The following KLRG1 variants were observed in gnomAD, a reference collection of about 807,000 sequenced individuals.
KLRG1 encodes the protein killer cell lectin like receptor G1.
KLRG1 carries 16 observed loss-of-function variants against 21.8 expected under a neutral mutation model. That is an observed-to-expected ratio of 0.73 (90% CI 0.50 to 1.11). KLRG1 has a LOEUF of 1.11. Among genes scored for constraint, KLRG1 ranks in the 50% most tolerant of loss-of-function variants. The pLI, the probability that KLRG1 is intolerant of heterozygous loss-of-function variation, is 0.00. For missense variants in KLRG1, 173 were observed against 218.3 expected (o/e 0.79, Z 1.31); for synonymous variants, 69 against 75.9 (o/e 0.91, Z 0.47).
chr12:9,010,890 C>T (rs1834946290), downstream of KLRG1: 1 of 152,202 alleles, frequency 6.6e-6, no homozygotes, highest in Admixed American at 6.5e-5. Flanking sequence ...GGCAAAGGGC[C>T]AGTTAATCTG....
the KLRG1 span, chr12:9,077,941 T>C: frequency 2.0e-6 from 3 of 1,534,112 alleles, 1 homozygote; most frequent in African/African-American, 4.1e-5. Context: ...TCATATGATG[T>C]GAGTTAGCTA....
chr12:9,019,441 T>C, the KLRG1 span, among the ~76,000 whole-genome samples: 12 of 152,152 alleles, frequency 7.9e-5, no homozygotes, highest in South Asian at 1.2e-3. Context: ...AGAAATGAAA[T>C]CAGTATATTA....
chr12:9,197,525 A>T, the KLRG1 span, among the ~76,000 whole-genome samples: 1 of 125,918 alleles, frequency 7.9e-6, no homozygotes, highest in African/African-American at 3.1e-5. Flanking sequence ...GTTGAAAATA[A>T]TTATTAATTA....
At chr12:9,131,040 A>G in the KLRG1 span, among the ~76,000 whole-genome samples, 1 of 152,212 alleles carries the variant, frequency 6.6e-6, no homozygotes, top group Non-Finnish European at 1.5e-5. Flanking sequence ...TGAGGAGACT[A>G]TCATTTTCTC....
the KLRG1 span, among the ~76,000 whole-genome samples, chr12:9,193,536 A>G: frequency 1.3e-5 from 2 of 152,234 alleles, no homozygotes; most frequent in African/African-American, 4.8e-5. Context: ...AACATTAAAC[A>G]TCATTACATG....
chr12:9,035,056 TATATA>T, the KLRG1 span, among the ~76,000 whole-genome samples: 47,076 of 151,742 alleles, frequency 0.31, 8,915 homozygotes, highest in Non-Finnish European at 0.41. Context: ...GAAAAAAACT[TATATA>T]ATAAGGATAT....
chr12:9,164,260 C>G, the KLRG1 span: 1 of 1,612,524 alleles, frequency 6.2e-7, no homozygotes, highest in Non-Finnish European at 8.5e-7. Context: ...GCACACTGAC[C>G]TATCACCCCA....
At chr12:9,077,584 T>C in the KLRG1 span, 1 of 1,517,542 alleles carries the variant, frequency 6.6e-7, no homozygotes, top group Non-Finnish European at 8.9e-7. Flanking sequence ...TTTGGTGCCA[T>C]CCAGGTTTTA....
chr12:9,202,292 C>A, the KLRG1 span: 1 of 1,597,292 alleles, frequency 6.3e-7, no homozygotes, highest in Non-Finnish European at 8.6e-7. Flanking sequence ...CTACCCACAA[C>A]CCAAACCACA....
chr12:9,199,939 A>G, the KLRG1 span, among the ~76,000 whole-genome samples: 1 of 152,208 alleles, frequency 6.6e-6, no homozygotes, highest in Non-Finnish European at 1.5e-5. Flanking sequence ...ACCCAGCTTT[A>G]TGAGACCATT....
At chr12:9,019,082 AT>A in the KLRG1 span, among the ~76,000 whole-genome samples, 120 of 152,360 alleles carry the variant, frequency 7.9e-4, no homozygotes, top group East Asian at 0.022. Context: ...TAGGAAAAAA[AT>A]CTAATAATAC....
intron 1 of KLRG1, among the ~76,000 whole-genome samples, chr12:8,990,776 T>C (rs775371189): frequency 3.2e-4 from 49 of 152,184 alleles, no homozygotes; most frequent in African/African-American, 1.2e-3. Context: ...AAAAATTTAC[T>C]TTACTTCTTG....
chr12:9,009,466 A>C lies in KLRG1; in HGVS notation c.499A>C (p.Asn167His). 6.2e-7 allele frequency: 1 copy of C among 1,613,946 alleles called. No homozygotes were observed. The highest frequency in any genetic ancestry group is 8.5e-7 in the Non-Finnish European group (1 of 1,179,926). The change falls in exon 5 of 5, where the codon AAC becomes CAC. Residue 167 changes from asparagine to histidine, a missense_variant. Physicochemically the swap from Asn to His is moderately conservative, Grantham distance 68. Transcript: ENST00000356986. The stretch of plus-strand genomic sequence containing the variant: ...CTTTGTGCAGACATGCGGTGCCATC[A>C]ACAAAAATGGTCTTCAAGCCTCAAG... Reference protein sequence around the residue: ...NSFVQTCGAINKNGLQASSCE... With the variant: ...NSFVQTCGAIHKNGLQASSCE...
chr12:8,994,119 C>T (rs541310457), intron 2 of KLRG1, among the ~76,000 whole-genome samples: 45 of 152,158 alleles, frequency 3.0e-4, no homozygotes, highest in Non-Finnish European at 5.7e-4. Flanking sequence ...GGCAGGAGTG[C>T]AGTGGTGTGA....
the KLRG1 span, among the ~76,000 whole-genome samples, chr12:9,035,067 G>T: frequency 6.6e-6 from 1 of 151,262 alleles, no homozygotes; most frequent in African/African-American, 2.4e-5. Flanking sequence ...ATATAATAAG[G>T]ATATAAAGAA....
chr12:9,152,591 A>C, the KLRG1 span, among the ~76,000 whole-genome samples: 183 of 152,300 alleles, frequency 1.2e-3, 4 homozygotes, highest in Middle Eastern at 6.8e-3. Flanking sequence ...TAACATATCT[A>C]TGGTTTTTGC....
At chr12:9,045,838 C>T in the KLRG1 span, among the ~76,000 whole-genome samples, 2 of 152,132 alleles carry the variant, frequency 1.3e-5, no homozygotes, top group Non-Finnish European at 2.9e-5. Context: ...GGTACATATA[C>T]ACCATGGAAT....
the KLRG1 span, chr12:9,202,317 A>T: frequency 6.2e-7 from 1 of 1,612,386 alleles, no homozygotes; most frequent in East Asian, 2.2e-5. Context: ...GTGGATGCTT[A>T]CCAGTTCATT....
the KLRG1 span, among the ~76,000 whole-genome samples, chr12:9,041,060 G>T: frequency 6.6e-6 from 1 of 152,194 alleles, no homozygotes; most frequent in East Asian, 1.9e-4. Context: ...TTATTGCCAG[G>T]CGTGGTGGAT....
Sources: gnomAD v4.1 joint callset for allele counts (sites outside exome capture counted in the v4.1 genomes callset) on GRCh38, gnomAD v4.1.1 for gene constraint, MANE v1.5 for transcripts, NCBI Gene and HGNC (gene_info 2026-07-23, HGNC 2026-07-21) for gene names.